The following SLC8A1 variants were observed in gnomAD, a reference collection of about 807,000 sequenced individuals.
SLC8A1 encodes the protein solute carrier family 8 member A1.
Under a neutral mutation model 68.3 loss-of-function variants are expected in SLC8A1, and 18 were observed. The observed-to-expected ratio is 0.26, with a 90% CI of 0.18 to 0.39. The LOEUF (loss-of-function observed/expected upper bound fraction) is 0.39. Among genes scored for constraint, SLC8A1 ranks in the 10% least tolerant of loss-of-function variants. The pLI, the probability that SLC8A1 is intolerant of heterozygous loss-of-function variation, is 1.00. For missense variants in SLC8A1, 985 were observed against 1,156.7 expected, an observed-to-expected ratio of 0.85 and a Z score of 2.15; for synonymous variants, 475 against 415.5, an observed-to-expected ratio of 1.14 and a Z score of -1.74.
rs537665412 is a variant in SLC8A1, at chr2:40,356,273, T to A, written c.1808+72200A>T. 2.6e-5 allele frequency among the ~76,000 whole-genome samples: 4 copies of A among 152,310 alleles called. No homozygotes were observed. In the South Asian group the frequency reaches 6.2e-4, roughly 24 times the overall value. On this transcript the variant is annotated intron_variant, in intron 2 of 7. Transcript: ENST00000406785. ...GACTAATTCCTTAATCTTCATTTCCTCAGCATCAATTGTAGTGACTGCCAC... is the reference window on the plus strand; with the variant it reads ...GACTAATTCCTTAATCTTCATTTCCACAGCATCAATTGTAGTGACTGCCAC...
chr2:40,336,278 T>C (rs778793744), intron 2 of SLC8A1, among the ~76,000 whole-genome samples: 2 of 152,204 alleles, frequency 1.3e-5, no homozygotes, highest in African/African-American at 2.4e-5. Flanking sequence ...AACATATTTA[T>C]ATCACACTGT....
intron 6 of SLC8A1, among the ~76,000 whole-genome samples, chr2:40,154,800 G>T (rs13400500): frequency 3.3e-5 from 5 of 152,142 alleles, no homozygotes; most frequent in African/African-American, 9.6e-5. Context: ...GAGTAGCTGA[G>T]ACTACAGGCA....
chr2:40,271,143 T>C (rs1434548973), intron 2 of SLC8A1, among the ~76,000 whole-genome samples: 2 of 147,086 alleles, frequency 1.4e-5, no homozygotes, highest in Non-Finnish European at 3.0e-5. Flanking sequence ...TCTAATGGCT[T>C]TCTGTCACTT....
At chr2:40,299,607 G>C (rs540513550) in intron 2 of SLC8A1, among the ~76,000 whole-genome samples, 1 of 152,258 alleles carries the variant, frequency 6.6e-6, no homozygotes, top group South Asian at 2.1e-4. Context: ...ATTTGGACTT[G>C]TAAGGGTGAT....
intron 2 of SLC8A1, among the ~76,000 whole-genome samples, chr2:40,347,849 G>C (rs1669836142): frequency 6.6e-6 from 1 of 152,060 alleles, no homozygotes; most frequent in Non-Finnish European, 1.5e-5. Context: ...TTTTCATCTT[G>C]AAATCAACCA....
chr2:40,180,471 C>T (rs1243023718), intron 2 of SLC8A1, among the ~76,000 whole-genome samples: 1 of 152,206 alleles, frequency 6.6e-6, no homozygotes, highest in Non-Finnish European at 1.5e-5. Flanking sequence ...TAATTTCCAT[C>T]TCACAGTCTT....
chr2:40,387,744 C>T (rs1172628038), intron 2 of SLC8A1, among the ~76,000 whole-genome samples: 1 of 146,326 alleles, frequency 6.8e-6, no homozygotes, highest in Non-Finnish European at 1.5e-5. Context: ...TTGAGACCAG[C>T]CTGGCCAACA....
At chr2:40,209,055 A>T (rs538516911) in intron 2 of SLC8A1, 1 of 152,172 alleles carries the variant, frequency 6.6e-6, no homozygotes, top group Non-Finnish European at 1.5e-5. Flanking sequence ...GAAGAAAAAA[A>T]AAATCCTTGT....
At position 40,174,862 on chromosome 2, in the gene SLC8A1, C is replaced by A; in HGVS notation, c.1913-20G>T. On this transcript the variant is annotated intron_variant, in intron 3 of 7. Coordinates refer to ENST00000406785, the Ensembl canonical transcript of SLC8A1. ...AGCCACCTAAAAAAGAAAAAAACAA[C>A]AACAAATGTTATAATTTGACACTCT... 6.2e-7 allele frequency: 1 copy of A among 1,604,948 alleles called. No individual in the cohort carries two copies. The highest frequency in any genetic ancestry group is 8.5e-7 in the Non-Finnish European group (1 of 1,172,310).
chr2:40,463,839 T>TACACACACAC (rs761954909), intron 1 of SLC8A1, among the ~76,000 whole-genome samples: 32 of 123,390 alleles, frequency 2.6e-4, no homozygotes, highest in Admixed American at 1.0e-3. Flanking sequence ...CACACACACA[T>TACACACACAC]ACACACACAC....
At chr2:40,172,587 A>T (rs895906691) in intron 4 of SLC8A1, among the ~76,000 whole-genome samples, 2 of 152,138 alleles carry the variant, frequency 1.3e-5, no homozygotes, top group Admixed American at 1.3e-4. Context: ...GAAAACTAGG[A>T]TCCCATTACC....
intron 2 of SLC8A1, among the ~76,000 whole-genome samples, chr2:40,304,473 G>C (rs1259641064): frequency 6.6e-6 from 1 of 152,082 alleles, no homozygotes; most frequent in Non-Finnish European, 1.5e-5. Flanking sequence ...TAATGAACCT[G>C]AGCCACCCAG....
chr2:40,403,572 A>T (rs1415637740), intron 2 of SLC8A1, among the ~76,000 whole-genome samples: 2 of 152,244 alleles, frequency 1.3e-5, no homozygotes, highest in Non-Finnish European at 2.9e-5. Flanking sequence ...GAAACAGTCA[A>T]GTCATGGACC....
intron 2 of SLC8A1, chr2:40,208,901 A>G (rs1178836337): frequency 6.6e-6 from 1 of 152,190 alleles, no homozygotes; most frequent in Non-Finnish European, 1.5e-5. Flanking sequence ...AAGAATGTCA[A>G]ATTTGGAGGC....
exon 8 of SLC8A1, chr2:40,103,830 A>G (rs976907): frequency 0.88 from 134,466 of 152,226 alleles, 59,566 homozygotes; most frequent in East Asian, 1. Context: ...ATTTCTATCA[A>G]ACTTCATGTG....
At chr2:40,464,576 T>C (rs537925162) in intron 1 of SLC8A1, among the ~76,000 whole-genome samples, 1 of 152,326 alleles carries the variant, frequency 6.6e-6, no homozygotes, top group South Asian at 2.1e-4. Context: ...CTTCCAGCTT[T>C]CTTCTGTATC....
intron 2 of SLC8A1, among the ~76,000 whole-genome samples, chr2:40,189,106 A>G (rs414766): frequency 0.24 from 37,238 of 151,996 alleles, 4,851 homozygotes; most frequent in African/African-American, 0.29. Context: ...AAAATTTTTG[A>G]TGTATCCCTT....
intron 2 of SLC8A1, among the ~76,000 whole-genome samples, chr2:40,262,858 A>G (rs2064887261): frequency 1.3e-5 from 2 of 152,156 alleles, no homozygotes; most frequent in African/African-American, 4.8e-5. Context: ...CTCTCCTCCC[A>G]CCTCTTTCAA....
intron 2 of SLC8A1, among the ~76,000 whole-genome samples, chr2:40,378,235 G>A (rs964894912): frequency 6.6e-6 from 1 of 152,118 alleles, no homozygotes; most frequent in African/African-American, 2.4e-5. Context: ...GAAGGACATG[G>A]GAGCTGCAAT....
Sources: gnomAD v4.1 joint callset for allele counts (sites outside exome capture counted in the v4.1 genomes callset) on GRCh38, gnomAD v4.1.1 for gene constraint, MANE v1.5 for transcripts, NCBI Gene and HGNC (gene_info 2026-07-23, HGNC 2026-07-21) for gene names.